The following SKAP2 variants were observed in gnomAD, a reference collection of about 807,000 sequenced individuals.
SKAP2 encodes the protein src kinase-associated phosphoprotein 2.
In SKAP2, 28 loss-of-function variants were observed where a neutral mutation model predicts 54.9. The observed-to-expected ratio is 0.51, with a 90% CI of 0.38 to 0.70. The LOEUF (loss-of-function observed/expected upper bound fraction) is 0.70, where lower values mean the gene tolerates loss of function less well. SKAP2 is among the 30% of genes least tolerant of loss of function. SKAP2 has a pLI of 0.00. For synonymous variants in SKAP2, 137 were observed against 134.3 expected (o/e 1.02, Z -0.14); for missense variants, 356 against 424.1 (o/e 0.84, Z 1.41).
intron 4 of SKAP2, among the ~76,000 whole-genome samples, chr7:26,758,143 A>G (rs1218270699): frequency 6.6e-6 from 1 of 152,198 alleles, no homozygotes; most frequent in Non-Finnish European, 1.5e-5. Context: ...AACTCAGGAA[A>G]AAAGTCTGGA....
At position 26,848,097 on chromosome 7, in the gene SKAP2, C is replaced by T. The variant is rs182775107; in HGVS notation, c.200-3960G>A. ...AAAAACATTTTTAAATTTATACTAG[C>T]TGGGATCAAATTACTATTAGCCATT... On this transcript the variant is annotated intron_variant, in intron 3 of 12. Coordinates refer to ENST00000345317, the MANE Select transcript of SKAP2 (RefSeq NM_003930.5). 4.6e-5 allele frequency: 7 copies of T among 152,274 alleles called. No homozygotes were observed. In the East Asian group the frequency reaches 1.3e-3, roughly 29 times the overall value. The allele number at this position is 152,274 out of a possible 1,614,324, so 9.4% of individuals were successfully genotyped here.
intron 4 of SKAP2, among the ~76,000 whole-genome samples, chr7:26,832,166 AT>A (rs1304866855): frequency 6.6e-6 from 1 of 152,188 alleles, no homozygotes; most frequent in Non-Finnish European, 1.5e-5. Context: ...AATGCCACAC[AT>A]TTCTGCAACT....
In SKAP2 at chr7:26,752,096, TG is replaced by T. The variant is rs201194501; in HGVS notation, c.308-12133del. Among the ~76,000 whole-genome samples, 597 of 152,204 alleles carry T rather than the reference TG, an allele frequency of 3.9e-3. 5 individuals are homozygous for T. The highest frequency in any genetic ancestry group is 0.014 in the African/African-American group (571 of 41,546). On this transcript the variant is annotated intron_variant, in intron 4 of 12. Coordinates refer to ENST00000345317, the MANE Select transcript of SKAP2 (RefSeq NM_003930.5). Reference sequence around the variant, plus strand: ...ATCAAGGCAAAATTAGAAGTCAGGGTGGAACAGAAGACAACTTGGAACTACA... The same window carrying T: ...ATCAAGGCAAAATTAGAAGTCAGGGTGAACAGAAGACAACTTGGAACTACA...
In SKAP2 at chr7:26,727,388, C is replaced by A. The variant is rs116473675; in HGVS notation, c.470-382G>T. On this transcript the variant is annotated intron_variant, in intron 6 of 12. Coordinates refer to ENST00000345317, the MANE Select transcript of SKAP2 (RefSeq NM_003930.5). The stretch of plus-strand genomic sequence containing the variant: ...CAGCTGAAAACTTGTCGGGCTTTAT[C>A]TACTGTTATCTCCTTTCACCTATCC... Among the ~76,000 whole-genome samples the A allele has an allele frequency of 7.2e-5, 11 of 152,124 alleles. No individual in the cohort carries two copies. The East Asian group carries it at 2.1e-3, about 29-fold the overall frequency.
chr7:26,682,363 C>T (rs573770668), intron 11 of SKAP2, among the ~76,000 whole-genome samples: 6 of 152,140 alleles, frequency 3.9e-5, no homozygotes, highest in Non-Finnish European at 7.4e-5. Flanking sequence ...CCTGTCTACT[C>T]GCAGCCAAGA....
At chr7:26,769,600 C>T (rs1783139958) in intron 4 of SKAP2, among the ~76,000 whole-genome samples, 1 of 113,162 alleles carries the variant, frequency 8.8e-6, no homozygotes, top group Non-Finnish European at 1.8e-5. Context: ...GATTTATCTA[C>T]CTTTGGTTTT....
intron 4 of SKAP2, among the ~76,000 whole-genome samples, chr7:26,832,352 T>C (rs1021264100): frequency 6.6e-6 from 1 of 152,192 alleles, no homozygotes; most frequent in Admixed American, 6.5e-5. Flanking sequence ...CTGACATACT[T>C]ATTTGGACTA....
chr7:26,818,770 C>T (rs1260267034), intron 4 of SKAP2, among the ~76,000 whole-genome samples: 1 of 152,128 alleles, frequency 6.6e-6, no homozygotes, highest in African/African-American at 2.4e-5. Context: ...AGGATATGAA[C>T]AGACATTTCC....
At chr7:26,672,786 A>G (rs1362906292) in intron 11 of SKAP2, among the ~76,000 whole-genome samples, 1 of 151,966 alleles carries the variant, frequency 6.6e-6, no homozygotes, top group Non-Finnish European at 1.5e-5. Context: ...TATTCTCTGT[A>G]TGAGCCTCCT....
chr7:26,802,771 C>T (rs1390271608), intron 4 of SKAP2, among the ~76,000 whole-genome samples: 1 of 152,000 alleles, frequency 6.6e-6, no homozygotes, highest in Admixed American at 6.5e-5. Flanking sequence ...GTCCCAGCTA[C>T]TCGGGAGGGT....
At chr7:26,821,804 G>T (rs1784389234) in intron 4 of SKAP2, among the ~76,000 whole-genome samples, 2 of 151,966 alleles carry the variant, frequency 1.3e-5, no homozygotes, top group African/African-American at 4.8e-5. Context: ...ACTCCCCTTT[G>T]TCCCACCCAT....
At chr7:26,854,298 C>A in intron 2 of SKAP2, 136 bp from the exon 3 acceptor site, 1 of 518,624 alleles carries the variant, frequency 1.9e-6, no homozygotes, top group Admixed American at 4.1e-5. Context: ...TAATTCCTGT[C>A]CTGAAATGAC....
At chr7:26,705,345 A>G (rs957978354) in intron 9 of SKAP2, among the ~76,000 whole-genome samples, 8 of 152,218 alleles carry the variant, frequency 5.3e-5, no homozygotes, top group Non-Finnish European at 1.2e-4. Context: ...TGTAAATTTA[A>G]TGGCAAGCCC....
At chr7:26,655,950 T>C in the SKAP2 span, among the ~76,000 whole-genome samples, 2 of 152,156 alleles carry the variant, frequency 1.3e-5, no homozygotes, top group African/African-American at 2.4e-5. Context: ...GATGGAAATG[T>C]TAGCAAGGGC....
chr7:26,729,218 G>GT (rs1464399076), intron 6 of SKAP2, among the ~76,000 whole-genome samples: 1 of 152,120 alleles, frequency 6.6e-6, no homozygotes, highest in Admixed American at 6.6e-5. Flanking sequence ...GAGGAGGACA[G>GT]TATCAGCCTC....
At chr7:26,838,328 G>A (rs1471162102) in intron 4 of SKAP2, among the ~76,000 whole-genome samples, 4 of 151,842 alleles carry the variant, frequency 2.6e-5, no homozygotes, top group South Asian at 2.1e-4. Context: ...ACCTCTGGTC[G>A]TCACCCATAT....
chr7:26,851,650 G>C (rs866694382), intron 3 of SKAP2, among the ~76,000 whole-genome samples: 1 of 151,406 alleles, frequency 6.6e-6, no homozygotes, highest in South Asian at 2.1e-4. Context: ...CACCAACATG[G>C]CACATGTATA....
intron 4 of SKAP2, among the ~76,000 whole-genome samples, chr7:26,748,537 A>T (rs1208725740): frequency 6.6e-6 from 1 of 152,042 alleles, no homozygotes; most frequent in Non-Finnish European, 1.5e-5. Flanking sequence ...TTTGCCTGCC[A>T]CATAAAGTAA....
chr7:26,676,578 C>T (rs1327067362), intron 11 of SKAP2, among the ~76,000 whole-genome samples: 1 of 152,106 alleles, frequency 6.6e-6, no homozygotes, highest in Non-Finnish European at 1.5e-5. Flanking sequence ...ACTCTATGAT[C>T]CTATCATTCT....
Sources: allele counts gnomAD v4.1 joint callset (sites outside exome capture counted in the v4.1 genomes callset), GRCh38; gene constraint gnomAD v4.1.1; transcripts MANE v1.5; gene names NCBI Gene and HGNC (gene_info 2026-07-23, HGNC 2026-07-21).